The following ZNF496 variants were observed in gnomAD, a reference collection of about 807,000 sequenced individuals.
The protein encoded by ZNF496 is NSD1 (nuclear receptor binding SET-domain containing 1)-interacting zinc finger protein 1.
ZNF496 carries 11 observed loss-of-function variants against 58.9 expected under a neutral mutation model. The observed-to-expected ratio is 0.19, with a 90% CI of 0.12 to 0.31. The LOEUF is 0.31. ZNF496 is among the 10% of genes least tolerant of loss of function. The pLI is 1.00. For synonymous variants in ZNF496, 338 were observed against 318.2 expected (o/e 1.06, Z -0.66); for missense variants, 660 against 783.0 (o/e 0.84, Z 1.88).
intron 5 of ZNF496, among the ~76,000 whole-genome samples, chr1:247,326,660 C>G (rs1236731369): frequency 6.6e-6 from 1 of 152,164 alleles, no homozygotes. Context: ...AGTTATGGCC[C>G]TCTCAAATTC....
rs1443415391 is a variant in ZNF496 at position 247,308,441 on chromosome 1, G to A, written c.1006+34C>T. 6.3e-7 allele frequency: 1 copy of A among 1,591,418 alleles called. No homozygotes were observed. The highest frequency in any genetic ancestry group is 1.3e-5 in the African/African-American group (1 of 74,430). On this transcript the variant is annotated intron_variant, in intron 9 of 9. Transcript: ENST00000682384. The surrounding 1 kb of genome is among the most constrained non-coding windows in gnomAD (Gnocchi z 4.5). ...TCATGCGACACACCACAGACACACA[G>A]GGACAAACCCATACCTCCCTGACCC...
intron 6 of ZNF496, 172 bp from the exon 7 acceptor site, chr1:247,310,628 G>A: frequency 1.3e-6 from 1 of 791,548 alleles, no homozygotes; most frequent in Non-Finnish European, 2.0e-6. Context: ...GTGCCAGCAG[G>A]CTGGGTGCCT....
chr1:247,308,343 T>TA lies in ZNF496; in HGVS notation c.1006+131dup. ...ACACTCACACATGCAGCACACCACA[T>TA]ATACCACATGTGTATGCACGCACAC... is the stretch of plus-strand genomic sequence containing the variant. On this transcript the variant is annotated intron_variant, in intron 9 of 9. Coordinates refer to ENST00000682384, the MANE Select transcript of ZNF496 (RefSeq NM_032752.3). The surrounding 1 kb of genome is among the most constrained non-coding windows in gnomAD (Gnocchi z 4.5). 1.2e-6 allele frequency: 1 copy of TA among 822,038 alleles called. No homozygotes were observed. The highest frequency in any genetic ancestry group is 2.0e-6 in the Non-Finnish European group (1 of 489,976). 50.9% of individuals were successfully genotyped at this position (822,038 alleles called of 1,614,324 possible). A position where few individuals can be genotyped will look rare whatever the true frequency, so the allele number is the denominator to read the frequency against.
chr1:247,301,215 A>C lies in ZNF496; in HGVS notation c.1068T>G (p.Val356=). ...SLDEEVTIEI[V]LSSSGDEDSQ... is the part of the protein sequence containing the mutation. ...AGTCCTCGTCCCCAGAGCTGGAGAG[A>C]ACGATCTCGATGGTCACTTCTTCAT... Residue 356 remains valine (V), a synonymous_variant, in exon 10 of 10, where the codon GTT becomes GTG. Transcript: ENST00000682384. 6.5e-7 allele frequency: 1 copy of C among 1,548,202 alleles called. No individual in the cohort carries two copies. The highest frequency in any genetic ancestry group is 8.7e-7 in the Non-Finnish European group (1 of 1,148,024).
chr1:247,314,458 A>AAAATTTTCATTTTAAAATTTCAT (rs1558153399), intron 6 of ZNF496, among the ~76,000 whole-genome samples: 5,172 of 151,992 alleles, frequency 0.034, 311 homozygotes, highest in African/African-American at 0.12. Flanking sequence ...TAAAATTTCA[A>AAAATTTTCATTTTAAAATTTCAT]TTTAAAATGA....
At chr1:247,316,231 G>A (rs946754154) in intron 6 of ZNF496, among the ~76,000 whole-genome samples, 6 of 150,784 alleles carry the variant, frequency 4.0e-5, no homozygotes, top group Non-Finnish European at 8.9e-5. Flanking sequence ...GTGTGTGTGT[G>A]TGTGTGAGCG....
intron 5 of ZNF496, among the ~76,000 whole-genome samples, chr1:247,327,380 T>C (rs922271794): frequency 6.6e-6 from 1 of 152,214 alleles, no homozygotes; most frequent in African/African-American, 2.4e-5. Flanking sequence ...TCCTTCTAAA[T>C]GTCTATCTGC....
At chr1:247,311,996 AT>A in intron 6 of ZNF496, 1 of 152,346 alleles carries the variant, frequency 6.6e-6, no homozygotes, top group Non-Finnish European at 1.5e-5. Flanking sequence ...CTTTGGGGTC[AT>A]TTTTCCATTT....
Position 247,329,043 on chromosome 1 carries a change from C to T in ZNF496, c.390+146G>A. ...TAGAGCCTTCAGGGAGTAAAACTGGCTTTCTTAGGAAACTCTAGTCTGGAC... is the reference window on the plus strand; with the variant it reads ...TAGAGCCTTCAGGGAGTAAAACTGGTTTTCTTAGGAAACTCTAGTCTGGAC... On this transcript the variant is annotated intron_variant, in intron 4 of 9. Transcript: ENST00000682384. The surrounding 1 kb of genome is among the most constrained non-coding windows in gnomAD (Gnocchi z 5.5). 2.1e-6 allele frequency: 3 copies of T among 1,441,986 alleles called. No individual in the cohort carries two copies. Among genetic ancestry groups the T allele is most frequent in the South Asian group, 1.3e-5 (1 of 79,418 alleles). The allele number at this position is 1,441,986 out of a possible 1,614,324, so 89.3% of individuals were successfully genotyped here.
chr1:247,309,252 C>T lies in ZNF496; in HGVS notation c.892+447G>A, dbSNP rs1659515908. On this transcript the variant is annotated intron_variant, in intron 8 of 9. Coordinates refer to ENST00000682384, the MANE Select transcript of ZNF496 (RefSeq NM_032752.3). This position sits in a 1 kb window ranked among gnomAD's most constrained non-coding sequence, Gnocchi z 4.3. The stretch of plus-strand genomic sequence containing the variant: ...GCTGCTGAGCCCCAGCACCTCCCCA[C>T]ACCCCAGTGTCCTCACAGCACCCCT... The T allele has an allele frequency of 2.5e-6, 1 of 397,676 alleles. No homozygotes were observed. Among genetic ancestry groups the T allele is most frequent in the Non-Finnish European group, 3.5e-6 (1 of 286,358 alleles). The allele number at this position is 397,676 out of a possible 1,614,324, so 24.6% of individuals were successfully genotyped here.
intron 5 of ZNF496, among the ~76,000 whole-genome samples, chr1:247,325,210 C>A (rs1572092947): frequency 6.6e-6 from 1 of 152,220 alleles, no homozygotes; most frequent in Non-Finnish European, 1.5e-5. Context: ...GGAGCCCACA[C>A]AGATGGCAGT....
At chr1:247,302,348 G>A (rs1434234764) in intron 9 of ZNF496, among the ~76,000 whole-genome samples, 3 of 152,112 alleles carry the variant, frequency 2.0e-5, no homozygotes, top group African/African-American at 4.8e-5. Context: ...TGGTGGAAGC[G>A]GAGGGGGCAT....
intron 6 of ZNF496, among the ~76,000 whole-genome samples, chr1:247,317,452 G>T (rs765603061): frequency 6.6e-6 from 1 of 152,160 alleles, no homozygotes; most frequent in East Asian, 1.9e-4. Context: ...GAATGACTGG[G>T]GAGCCTAGAC....
intron 7 of ZNF496, 118 bp downstream of exon 7, chr1:247,310,206 A>T: frequency 1.3e-6 from 2 of 1,518,076 alleles, no homozygotes; most frequent in South Asian, 2.6e-5. Context: ...GTGAACAGAG[A>T]GATCTGATGC....
At chr1:247,331,407 G>C (rs1461956324) in intron 2 of ZNF496, 25 bp downstream of exon 2, 1 of 152,144 alleles carries the variant, frequency 6.6e-6, no homozygotes, top group African/African-American at 2.4e-5. Context: ...CGCGTCTCCC[G>C]TCTCGCCGGC....
Position 247,329,306 on chromosome 1 carries a change from C to T in ZNF496, c.273G>A (p.Leu91=). ...TCTGGATCTCCCGGGGCAGGATGGC[C>T]AGGAACTGCTCCAGCACCAGCAGCT... The part of the protein sequence containing the change: ...ILELLVLEQF[L]AILPREIQSW... The change falls in exon 4 of 10, where the codon CTG becomes CTA. Residue 91 remains leucine (L), a synonymous_variant. Coordinates refer to ENST00000682384, the MANE Select transcript of ZNF496 (RefSeq NM_032752.3). The surrounding 1 kb of genome is among the most constrained non-coding windows in gnomAD (Gnocchi z 5.5). 3 of 1,613,560 alleles carry T rather than the reference C, an allele frequency of 1.9e-6. No homozygotes were observed. The highest frequency in any genetic ancestry group is 4.5e-5 in the East Asian group (2 of 44,874).
chr1:247,330,974 A>T (rs1211032761), intron 2 of ZNF496, among the ~76,000 whole-genome samples: 1 of 152,236 alleles, frequency 6.6e-6, no homozygotes, highest in African/African-American at 2.4e-5. Context: ...TGGACGCATT[A>T]CAGCGCTCCC....
At chr1:247,307,512 G>A (rs1659452432) in intron 9 of ZNF496, 1 of 985,426 alleles carries the variant, frequency 1.0e-6, no homozygotes, top group South Asian at 4.7e-5. Context: ...TGAACTCCAA[G>A]TGGACCCCAA....
intron 6 of ZNF496, among the ~76,000 whole-genome samples, chr1:247,321,682 G>A (rs1659968903): frequency 6.6e-6 from 1 of 152,176 alleles, no homozygotes; most frequent in Non-Finnish European, 1.5e-5. Flanking sequence ...GCTCGCTATG[G>A]CATTTACTAG....
Sources: gnomAD v4.1 joint callset for allele counts (sites outside exome capture counted in the v4.1 genomes callset) on GRCh38, gnomAD v4.1.1 for gene constraint, Gnocchi (gnomAD v3.1) non-coding constraint, MANE v1.5 for transcripts, NCBI Gene and HGNC (gene_info 2026-07-23, HGNC 2026-07-21) for gene names.